Variants in VAT1L observed in about 807,000 individuals in gnomAD.
VAT1L encodes the protein vesicle amine transport 1 like.
VAT1L carries 34 observed loss-of-function variants against 44.1 expected under a neutral mutation model. That is an observed-to-expected ratio of 0.77 (90% CI 0.59 to 1.03). The LOEUF is 1.03. Ranked by LOEUF, VAT1L falls within the 50% of genes least tolerant of loss-of-function variation. The probability of loss-of-function intolerance (pLI) is 0.00; values close to 1 mark genes in which losing one functional copy is unlikely to be tolerated. For synonymous variants in VAT1L, 253 were observed against 202.2 expected (o/e 1.25, Z -2.13); for missense variants, 615 against 538.8 (o/e 1.14, Z -1.40).
At chr16:77,877,128 G>C (rs996418616) in intron 5 of VAT1L, among the ~76,000 whole-genome samples, 1 of 152,176 alleles carries the variant, frequency 6.6e-6, no homozygotes, top group African/African-American at 2.4e-5. Context: ...ACTGGAAGAA[G>C]ATTTTCTCCA....
At chr16:77,870,913 C>T (rs1453290476) in intron 4 of VAT1L, among the ~76,000 whole-genome samples, 1 of 152,114 alleles carries the variant, frequency 6.6e-6, no homozygotes, top group Non-Finnish European at 1.5e-5. Flanking sequence ...GCTACTGCAG[C>T]GCTTTTCAGT....
At chr16:77,971,679 C>T (rs1018485013) in intron 7 of VAT1L, among the ~76,000 whole-genome samples, 171 bp from the exon 8 acceptor site, 1 of 152,116 alleles carries the variant, frequency 6.6e-6, no homozygotes. Context: ...GTGTGAATGG[C>T]CCAACCAGAA....
chr16:77,949,401 C>G (rs1336461397), intron 7 of VAT1L, among the ~76,000 whole-genome samples: 1 of 152,040 alleles, frequency 6.6e-6, no homozygotes, highest in Non-Finnish European at 1.5e-5. Context: ...GCTGGGGCAT[C>G]CTAGAAAAAA....
At chr16:77,941,785 C>G (rs2017887404) in intron 7 of VAT1L, among the ~76,000 whole-genome samples, 1 of 151,990 alleles carries the variant, frequency 6.6e-6, no homozygotes, top group Non-Finnish European at 1.5e-5. Context: ...AACAGGGTTT[C>G]ACCGTGTTGG....
At chr16:77,976,431 G>A (rs1327171123) in intron 8 of VAT1L, among the ~76,000 whole-genome samples, 1 of 152,178 alleles carries the variant, frequency 6.6e-6, no homozygotes, top group Non-Finnish European at 1.5e-5. Flanking sequence ...ATTCCAGGGA[G>A]AAGGCACTGC....
intron 7 of VAT1L, among the ~76,000 whole-genome samples, chr16:77,946,279 C>CTTTTTTTTATTTTTTTTTTTTTTTTTTT (rs2017963874): frequency 1.4e-5 from 1 of 70,428 alleles, no homozygotes; most frequent in East Asian, 6.1e-4. Flanking sequence ...GTTACTTGTT[C>CTTTTTTTTATTTTTTTTTTTTTTTTTTT]TTTTTTTTTT....
intron 7 of VAT1L, among the ~76,000 whole-genome samples, chr16:77,962,739 A>AAAAGGAAGGAAGGAAGGAAGGAAG (rs1567523608): frequency 4.2e-4 from 54 of 129,446 alleles, no homozygotes; most frequent in Non-Finnish European, 5.5e-4. Context: ...AAAGAAGGAA[A>AAAAGGAAGGAAGGAAGGAAGGAAG]GAAGGAAGGA....
chr16:77,818,676 A>T (rs1023965042), intron 2 of VAT1L, among the ~76,000 whole-genome samples: 6 of 152,222 alleles, frequency 3.9e-5, no homozygotes, highest in African/African-American at 1.4e-4. Flanking sequence ...TTTCCTTTCA[A>T]TATGACTTAT....
At chr16:77,907,980 C>G (rs997038421) in intron 7 of VAT1L, among the ~76,000 whole-genome samples, 2 of 152,190 alleles carry the variant, frequency 1.3e-5, no homozygotes, top group Non-Finnish European at 2.9e-5. Flanking sequence ...GGGGCTCACG[C>G]CTGTAATCCC....
chr16:77,808,670 A>G (rs1170361978), intron 1 of VAT1L, among the ~76,000 whole-genome samples: 6 of 152,068 alleles, frequency 3.9e-5, no homozygotes, highest in African/African-American at 1.4e-4. Flanking sequence ...ATCTTAGCAC[A>G]CCACAACCTC....
At position 77,879,912 on chromosome 16, in the gene VAT1L, T is replaced by C. The variant is rs537127993; in HGVS notation, c.882+688T>C. On this transcript the variant is annotated intron_variant, in intron 6 of 8. Transcript: ENST00000302536. This position sits in a 1 kb window ranked among gnomAD's most constrained non-coding sequence, Gnocchi z 4.1. ...ACCAGGTCTCTGGGGGTACTTGAGA[T>C]TTCTCTGTCTCCCCATCCTCTTGAA... Among the ~76,000 whole-genome samples the C allele has an allele frequency of 3.9e-5, 6 of 152,294 alleles. No homozygotes were observed. The highest frequency in any genetic ancestry group is 1.4e-4 in the African/African-American group (6 of 41,542).
chr16:77,909,738 T>C (rs2017478889), intron 7 of VAT1L, among the ~76,000 whole-genome samples: 1 of 151,264 alleles, frequency 6.6e-6, no homozygotes, highest in South Asian at 2.1e-4. Context: ...CAAACTTTGG[T>C]AGGTAAGGGG....
At chr16:77,855,308 C>G (rs2016846896) in intron 3 of VAT1L, among the ~76,000 whole-genome samples, 1 of 151,426 alleles carries the variant, frequency 6.6e-6, no homozygotes, top group Admixed American at 6.6e-5. Flanking sequence ...CCACTGCACT[C>G]CAGCCTGGGC....
At position 77,817,058 on chromosome 16, in the gene VAT1L, T is replaced by C; in HGVS notation, c.363+8T>C. On this transcript the variant is annotated splice_region_variant and intron_variant, in intron 2 of 8. Transcript: ENST00000302536. ...AGCGTGAAAGGATATGAGGTAATGT[T>C]TGGCTCTCAATTGAAGAGTAATATT... The C allele has an allele frequency of 1.2e-6, 2 of 1,611,034 alleles. No homozygotes were observed. Among genetic ancestry groups the C allele is most frequent in the Non-Finnish European group, 1.7e-6 (2 of 1,179,060 alleles).
chr16:77,850,643 T>C (rs566217193), intron 3 of VAT1L, among the ~76,000 whole-genome samples: 132 of 152,356 alleles, frequency 8.7e-4, no homozygotes, highest in African/African-American at 3.0e-3. Context: ...GTTTGGTTTT[T>C]TGTTTTTGTT....
chr16:77,910,509 A>G (rs536629145), intron 7 of VAT1L, among the ~76,000 whole-genome samples: 3 of 151,946 alleles, frequency 2.0e-5, no homozygotes, highest in South Asian at 2.1e-4. Flanking sequence ...CGTCTCTACT[A>G]AAAATACAAA....
chr16:77,860,541 C>T lies in VAT1L; in HGVS notation c.580-2207C>T, dbSNP rs765321268. Among the ~76,000 whole-genome samples, 9 of 152,158 alleles carry T rather than the reference C, an allele frequency of 5.9e-5. 1 individual carries two copies. Among genetic ancestry groups the T allele is most frequent in the East Asian group, 5.8e-4 (3 of 5,186 alleles). The stretch of plus-strand genomic sequence containing the variant: ...ATCCTATTTGCCTAAGGACAGAGGG[C>T]GAAGGGAATACAGGGAGACTGGAAC... On this transcript the variant is annotated intron_variant, in intron 3 of 8. Transcript: ENST00000302536.
intron 1 of VAT1L, 132 bp downstream of exon 1, chr16:77,789,047 G>T: frequency 8.7e-7 from 1 of 1,154,660 alleles, no homozygotes; most frequent in Non-Finnish European, 1.2e-6. Context: ...CCTCACCCGG[G>T]TCTCAGAGCC....
intron 1 of VAT1L, among the ~76,000 whole-genome samples, chr16:77,799,587 A>G (rs562435592): frequency 6.6e-6 from 1 of 151,574 alleles, no homozygotes; most frequent in East Asian, 1.9e-4. Flanking sequence ...GAGAGGGTAA[A>G]TACTCCAAAA....
Sources: allele counts gnomAD v4.1 joint callset (sites outside exome capture counted in the v4.1 genomes callset), GRCh38; gene constraint gnomAD v4.1.1; non-coding constraint Gnocchi (gnomAD v3.1); transcripts MANE v1.5; gene names NCBI Gene and HGNC (gene_info 2026-07-23, HGNC 2026-07-21).